The following RBFOX1 variants were observed in gnomAD, a reference collection of about 807,000 sequenced individuals.
The protein encoded by RBFOX1 is RNA binding fox-1 homolog 1.
A neutral mutation model predicts 57.7 loss-of-function variants in RBFOX1; 8 were observed. That is an observed-to-expected ratio of 0.14 (90% CI 0.08 to 0.25). The LOEUF (loss-of-function observed/expected upper bound fraction) is 0.25. Ranked by LOEUF, RBFOX1 falls within the 10% of genes least tolerant of loss-of-function variation. The pLI, the probability that RBFOX1 is intolerant of heterozygous loss-of-function variation, is 1.00. For missense variants in RBFOX1, 611 were observed against 548.5 expected (o/e 1.11, Z -1.14); for synonymous variants, 326 against 222.4 (o/e 1.47, Z -4.15).
At chr16:6,955,051 G>C (rs1266788102) in intron 3 of RBFOX1, among the ~76,000 whole-genome samples, 1 of 145,130 alleles carries the variant, frequency 6.9e-6, no homozygotes, top group Non-Finnish European at 1.5e-5. Context: ...GGCAACACTG[G>C]GAAACCCCAT....
At chr16:7,395,546 T>A (rs971751403) in intron 4 of RBFOX1, among the ~76,000 whole-genome samples, 1 of 152,188 alleles carries the variant, frequency 6.6e-6, no homozygotes, top group Admixed American at 6.5e-5. Flanking sequence ...GAAGCAGAGC[T>A]CATTAAGGGG....
chr16:6,439,108 A>G (rs1175232514), intron 2 of RBFOX1, among the ~76,000 whole-genome samples: 1 of 152,064 alleles, frequency 6.6e-6, no homozygotes, highest in African/African-American at 2.4e-5. Flanking sequence ...AAACCTATGC[A>G]CTCAAGGGCA....
chr16:7,395,103 G>C (rs1372273488), intron 4 of RBFOX1, among the ~76,000 whole-genome samples: 2 of 151,886 alleles, frequency 1.3e-5, no homozygotes, highest in Non-Finnish European at 1.5e-5. Context: ...TTTTTCTCTT[G>C]AGTTAGTATC....
intron 2 of RBFOX1, among the ~76,000 whole-genome samples, chr16:5,539,176 T>C (rs2044828372): frequency 6.6e-6 from 1 of 152,154 alleles, no homozygotes; most frequent in African/African-American, 2.4e-5. Context: ...CAGGAAGTGC[T>C]GGGAGAGAAT....
At chr16:7,465,283 A>G (rs1240517063) in intron 4 of RBFOX1, among the ~76,000 whole-genome samples, 1 of 152,162 alleles carries the variant, frequency 6.6e-6, no homozygotes. Context: ...ACTCATTACA[A>G]CTTGTAATTA....
intron 3 of RBFOX1, among the ~76,000 whole-genome samples, chr16:6,928,216 C>T (rs2075953662): frequency 6.6e-6 from 1 of 152,146 alleles, no homozygotes; most frequent in Non-Finnish European, 1.5e-5. Context: ...CTGGGTACTG[C>T]CCCCGAAGAT....
intron 3 of RBFOX1, among the ~76,000 whole-genome samples, chr16:6,841,964 C>T (rs952493899): frequency 7.4e-6 from 1 of 135,300 alleles, no homozygotes; most frequent in Non-Finnish European, 1.6e-5. Context: ...CGGTGAAACC[C>T]CGTCTCTATT....
At chr16:5,563,415 A>G (rs2045955134) in intron 2 of RBFOX1, among the ~76,000 whole-genome samples, 1 of 152,230 alleles carries the variant, frequency 6.6e-6, no homozygotes, top group African/African-American at 2.4e-5. Flanking sequence ...CTACTGAACT[A>G]CAATGCTTAA....
At chr16:6,379,475 T>G (rs1005867008) in intron 2 of RBFOX1, among the ~76,000 whole-genome samples, 23 of 151,602 alleles carry the variant, frequency 1.5e-4, no homozygotes, top group Admixed American at 5.3e-4. Flanking sequence ...CATGAGAAGG[T>G]TGGGGAAATT....
chr16:6,941,283 C>T lies in RBFOX1; in HGVS notation c.-15-110774C>T, dbSNP rs1488357575. Among the ~76,000 whole-genome samples, 11 of 107,158 alleles carry T rather than the reference C, an allele frequency of 1.0e-4. 1 individual carries two copies. The highest frequency in any genetic ancestry group is 4.4e-4 in the African/African-American group (11 of 25,074). 70.3% of individuals were successfully genotyped at this position (107,158 alleles called of 152,430 possible). A position where few individuals can be genotyped will look rare whatever the true frequency, so the allele number is the denominator to read the frequency against. On this transcript the variant is annotated intron_variant, in intron 3 of 15. Coordinates refer to ENST00000550418, the MANE Select transcript of RBFOX1 (RefSeq NM_018723.4). Reference sequence around the variant, plus strand: ...TCCCATTTCCTCTCTCCCTCCCTTCCCTCCTTCCCTCCCTCCCTCCTTCCT... The same window carrying T: ...TCCCATTTCCTCTCTCCCTCCCTTCTCTCCTTCCCTCCCTCCCTCCTTCCT...
chr16:6,083,298 C>T (rs1298840474), intron 1 of RBFOX1, among the ~76,000 whole-genome samples: 4 of 152,080 alleles, frequency 2.6e-5, no homozygotes, highest in Non-Finnish European at 4.4e-5. Flanking sequence ...CTATTGCTCC[C>T]AGCCCAAATG....
intron 4 of RBFOX1, among the ~76,000 whole-genome samples, chr16:7,130,222 T>G (rs1469351778): frequency 6.6e-6 from 1 of 151,844 alleles, no homozygotes; most frequent in Non-Finnish European, 1.5e-5. Context: ...TTGGTAGAGG[T>G]GGAGTTTCGC....
At chr16:6,125,111 GCTCACACAAGCCTCTGGATGGT>G (rs1368147281) in intron 1 of RBFOX1, among the ~76,000 whole-genome samples, 2 of 152,108 alleles carry the variant, frequency 1.3e-5, no homozygotes. Flanking sequence ...ATGATGACTT[GCTCACACAAGCCTCTGGATGGT>G]CTCATACTGT....
chr16:5,663,887 T>C lies in RBFOX1; in HGVS notation c.318+64926T>C, dbSNP rs370041396. Among the ~76,000 whole-genome samples the C allele has an allele frequency of 2.6e-4, 40 of 152,258 alleles. No homozygotes were observed. In the East Asian group the frequency reaches 4.2e-3, roughly 16 times the overall value. On this transcript the variant is annotated intron_variant, in intron 3 of 19. Transcript: ENST00000641259. ...TGAAGCTTGGTGGGGAAGCTTCCCT[T>C]GATGCTCCTATTTTTGTTCCAGTTG... is the stretch of plus-strand genomic sequence containing the variant.
intron 3 of RBFOX1, among the ~76,000 whole-genome samples, chr16:7,002,088 C>T (rs559640079): frequency 5.4e-5 from 8 of 148,578 alleles, no homozygotes; most frequent in African/African-American, 1.7e-4. Flanking sequence ...TGCTCTTAGA[C>T]GCTATGGAGA....
intron 4 of RBFOX1, among the ~76,000 whole-genome samples, chr16:7,073,697 A>G (rs1377667428): frequency 2.0e-5 from 3 of 151,906 alleles, no homozygotes; most frequent in South Asian, 4.2e-4. Context: ...ATAAAAAAAA[A>G]TATATACAAA....
intron 1 of RBFOX1, among the ~76,000 whole-genome samples, chr16:5,404,484 C>T (rs1325166534): frequency 6.6e-6 from 1 of 152,220 alleles, no homozygotes; most frequent in African/African-American, 2.4e-5. Context: ...GTGGACTGCA[C>T]TTTGTAGGTC....
chr16:6,571,903 T>A lies in RBFOX1; in HGVS notation c.-63-82700T>A, dbSNP rs184515108. Among the ~76,000 whole-genome samples the A allele has an allele frequency of 1.7e-4, 25 of 150,940 alleles. No individual in the cohort carries two copies. In the East Asian group the frequency reaches 2.9e-3, roughly 17 times the overall value. On this transcript the variant is annotated intron_variant, in intron 2 of 15. Transcript: ENST00000550418. ...AGTTTTTACAACTGTTGGTAACATT[T>A]GATTAATTACTTTTATTACAATTAT...
At chr16:7,370,844 T>G (rs73549051) in intron 4 of RBFOX1, among the ~76,000 whole-genome samples, 3,094 of 152,296 alleles carry the variant, frequency 0.02, 72 homozygotes, top group South Asian at 0.073. Flanking sequence ...GTAGGCATGA[T>G]TAATTGCAAA....
Sources: allele counts gnomAD v4.1 joint callset (sites outside exome capture counted in the v4.1 genomes callset), GRCh38; gene constraint gnomAD v4.1.1; transcripts MANE v1.5; gene names NCBI Gene and HGNC (gene_info 2026-07-23, HGNC 2026-07-21).